SNAP29: variants seen among roughly 807,000 people sequenced by gnomAD.
The protein encoded by SNAP29 is synaptosomal-associated protein 29.
SNAP29 carries 13 observed loss-of-function variants against 27.9 expected under a neutral mutation model. The ratio of observed to expected loss-of-function variants is 0.47; its 90% confidence interval spans 0.30 to 0.74. The LOEUF (loss-of-function observed/expected upper bound fraction) is 0.74. SNAP29 is among the 30% of genes least tolerant of loss of function. The pLI, the probability that SNAP29 is intolerant of heterozygous loss-of-function variation, is 0.06. For missense variants in SNAP29, 368 were observed against 336.5 expected, an observed-to-expected ratio of 1.09 and a Z score of -0.73; for synonymous variants, 119 against 127.1, an observed-to-expected ratio of 0.94 and a Z score of 0.43.
Position 20,859,075 on chromosome 22 carries a change from C to A in SNAP29, c.-36C>A. 1 of 1,533,664 alleles carries A rather than the reference C, an allele frequency of 6.5e-7. No individual in the cohort carries two copies. Among genetic ancestry groups the A allele is most frequent in the Non-Finnish European group, 9.0e-7 (1 of 1,116,142 alleles). Reference sequence around the variant, plus strand: ...GGACGGCGGCGGCAGTGGGGCTCCTCCTTCTGTTTCCCAGACCGAGAGCCG... The same window carrying A: ...GGACGGCGGCGGCAGTGGGGCTCCTACTTCTGTTTCCCAGACCGAGAGCCG... On this transcript the variant is annotated 5_prime_UTR_variant, in exon 1 of 5. Transcript: ENST00000215730.
At chr22:20,874,317 GACACACACACAC>G (rs368789277) in intron 2 of SNAP29, among the ~76,000 whole-genome samples, 2 of 118,116 alleles carry the variant, frequency 1.7e-5, no homozygotes, top group African/African-American at 6.1e-5. Flanking sequence ...GACACACACA[GACACACACACAC>G]ACACACACAC....
chr22:20,860,743 A>G (rs538295834), intron 1 of SNAP29, among the ~76,000 whole-genome samples: 1 of 152,286 alleles, frequency 6.6e-6, no homozygotes, highest in African/African-American at 2.4e-5. Flanking sequence ...GGACAGAGAA[A>G]AAAAAAGGTT....
At chr22:20,886,708 T>C (rs1371668679) in intron 4 of SNAP29, among the ~76,000 whole-genome samples, 1 of 151,918 alleles carries the variant, frequency 6.6e-6, no homozygotes, top group African/African-American at 2.4e-5. Context: ...TCCTCTCAGG[T>C]TCAAGTGATT....
chr22:20,864,174 G>A (rs1426383397), intron 1 of SNAP29, among the ~76,000 whole-genome samples: 1 of 152,078 alleles, frequency 6.6e-6, no homozygotes, highest in Non-Finnish European at 1.5e-5. Flanking sequence ...GAGGTTTTCT[G>A]GGGCCCGAGA....
At chr22:20,863,170 A>G (rs1928370105) in intron 1 of SNAP29, among the ~76,000 whole-genome samples, 1 of 152,162 alleles carries the variant, frequency 6.6e-6, no homozygotes, top group Non-Finnish European at 1.5e-5. Flanking sequence ...ACAGGCTCCA[A>G]GCTGTCTTTG....
chr22:20,869,579 T>C (rs780643465), intron 1 of SNAP29, among the ~76,000 whole-genome samples: 1 of 152,160 alleles, frequency 6.6e-6, no homozygotes, highest in Non-Finnish European at 1.5e-5. Context: ...GATTTGACCA[T>C]GGCCAGGAGG....
At chr22:20,877,186 G>A (rs935463041) in intron 2 of SNAP29, among the ~76,000 whole-genome samples, 5 of 152,192 alleles carry the variant, frequency 3.3e-5, no homozygotes, top group African/African-American at 1.2e-4. Flanking sequence ...CACTTTGGAG[G>A]TTGAGGTGGG....
chr22:20,877,822 C>T (rs1462722373), intron 2 of SNAP29, among the ~76,000 whole-genome samples: 1 of 152,158 alleles, frequency 6.6e-6, no homozygotes. Context: ...TGTGATGGCA[C>T]ATAGAAAGAA....
chr22:20,880,916 T>C, intron 2 of SNAP29, 133 bp from the exon 3 acceptor site: 1 of 657,422 alleles, frequency 1.5e-6, no homozygotes, highest in Non-Finnish European at 2.8e-6. Flanking sequence ...ATCCCTACTT[T>C]GGTCAGAAGG....
rs142082501 is a variant in SNAP29, at chr22:20,885,206, C to T, written c.619+1637C>T. Among the ~76,000 whole-genome samples, 1,077 of 152,310 alleles carry T rather than the reference C, an allele frequency of 7.1e-3. 17 individuals carry two copies. Among genetic ancestry groups the T allele is most frequent in the African/African-American group, 0.024 (984 of 41,568 alleles). ...CCTCCTCCTACCGCTACTCCCTGAG[C>T]AGAAATCTCCCCCGTGGTGACCTGG... On this transcript the variant is annotated intron_variant, in intron 4 of 4. Transcript: ENST00000215730.
At chr22:20,861,117 G>GTTT (rs1491578419) in intron 1 of SNAP29, among the ~76,000 whole-genome samples, 11 of 105,024 alleles carry the variant, frequency 1.0e-4, no homozygotes, top group East Asian at 3.0e-4. Context: ...ACCTCCCTGT[G>GTTT]GTTTTTTTTT....
At position 20,888,016 on chromosome 22, in the gene SNAP29, A is replaced by G. The variant is rs961045700; in HGVS notation, c.*180A>G. On this transcript the variant is annotated 3_prime_UTR_variant, in exon 5 of 5. Transcript: ENST00000215730. ...GGAAGTGTTTGTCCCACATTTTCCT[A>G]GGGTTAACACCTCACCAAGTTCTTC... 14 of 655,720 alleles carry G rather than the reference A, an allele frequency of 2.1e-5. No homozygotes were observed. The highest frequency in any genetic ancestry group is 3.7e-5 in the Non-Finnish European group (14 of 378,568). 40.6% of individuals were successfully genotyped at this position (655,720 alleles called of 1,614,324 possible). A position where few individuals can be genotyped will look rare whatever the true frequency, so the allele number is the denominator to read the frequency against.
intron 4 of SNAP29, among the ~76,000 whole-genome samples, chr22:20,885,697 T>A (rs770487710): frequency 3.3e-5 from 5 of 152,192 alleles, no homozygotes; most frequent in Non-Finnish European, 7.3e-5. Context: ...CAGTTGGCAC[T>A]GTGGACGAGC....
rs181613620 is a variant in SNAP29, at chr22:20,859,057, G to T, written c.-54G>T. On this transcript the variant is annotated 5_prime_UTR_variant, in exon 1 of 5. Transcript: ENST00000215730. ...CGGGCGGGGCGAGGCCCTGGACGGC[G>T]GCGGCAGTGGGGCTCCTCCTTCTGT... 1.0e-3 allele frequency: 1,462 copies of T among 1,466,458 alleles called. 13 individuals carry two copies. In the African/African-American group the frequency reaches 0.018, roughly 18 times the overall value. 90.8% of individuals were successfully genotyped at this position (1,466,458 alleles called of 1,614,324 possible).
At chr22:20,860,507 C>T (rs1369888022) in intron 1 of SNAP29, among the ~76,000 whole-genome samples, 1 of 151,070 alleles carries the variant, frequency 6.6e-6, no homozygotes, top group Non-Finnish European at 1.5e-5. Context: ...GTAGCTGGGA[C>T]TACAGGTGCG....
At chr22:20,872,412 T>G (rs58280145) in intron 2 of SNAP29, among the ~76,000 whole-genome samples, 2,266 of 151,898 alleles carry the variant, frequency 0.015, 57 homozygotes, top group African/African-American at 0.05. Context: ...GCTAATTCTT[T>G]TTTTTTGAGA....
Position 20,883,559 on chromosome 22 carries a change from CA to C in SNAP29, c.610del (p.Ser204AlafsTer3). 1 of 1,609,590 alleles carries C rather than the reference CA, an allele frequency of 6.2e-7. No individual in the cohort carries two copies. The highest frequency in any genetic ancestry group is 8.5e-7 in the Non-Finnish European group (1 of 1,176,038). On this transcript the variant is annotated frameshift_variant, in exon 4 of 5. Coordinates refer to ENST00000215730, the MANE Select transcript of SNAP29 (RefSeq NM_004782.4). LOFTEE classifies it high-confidence loss of function. The stretch of plus-strand genomic sequence containing the variant: ...TTCGAGCCTATCACCAGAAGATCGA[CA>C]GCAACCTAGGTAAGACTGAGCACCA... ...HLRAYHQKID[S>X]NLDELSMGLG... is the part of the protein sequence containing the mutation.
intron 3 of SNAP29, among the ~76,000 whole-genome samples, chr22:20,881,443 C>G (rs95944): frequency 1.5e-4 from 23 of 152,164 alleles, no homozygotes; most frequent in African/African-American, 5.3e-4. Context: ...GTAACACACG[C>G]CTGTAATCCC....
chr22:20,878,644 A>C (rs1446927327), intron 2 of SNAP29, among the ~76,000 whole-genome samples: 1 of 151,588 alleles, frequency 6.6e-6, no homozygotes, highest in Non-Finnish European at 1.5e-5. Context: ...GGAGATCAAG[A>C]GGGCGTTTGT....
Sources: gnomAD v4.1 joint callset for allele counts (sites outside exome capture counted in the v4.1 genomes callset) on GRCh38, gnomAD v4.1.1 for gene constraint, MANE v1.5 for transcripts, NCBI Gene and HGNC (gene_info 2026-07-23, HGNC 2026-07-21) for gene names.